Variants in SPTBN4 observed in about 807,000 individuals in gnomAD.
SPTBN4 encodes the protein spectrin beta, non-erythrocytic 4.
SPTBN4 carries 96 observed loss-of-function variants against 277.8 expected under a neutral mutation model. The ratio of observed to expected loss-of-function variants is 0.35; its 90% confidence interval spans 0.29 to 0.41. SPTBN4 has a LOEUF of 0.41. Among genes scored for constraint, SPTBN4 ranks in the 10% least tolerant of loss-of-function variants. The pLI, the probability that SPTBN4 is intolerant of heterozygous loss-of-function variation, is 1.00. For synonymous variants in SPTBN4, 1,481 were observed against 1,580.3 expected (o/e 0.94, Z 1.49); for missense variants, 3,006 against 3,595.7 (o/e 0.84, Z 4.19).
intron 2 of SPTBN4, among the ~76,000 whole-genome samples, chr19:40,484,306 A>G (rs146187706): frequency 1.3e-5 from 2 of 152,328 alleles, no homozygotes; most frequent in East Asian, 3.9e-4. Context: ...ATAAACTGGA[A>G]ATATACATCT....
chr19:40,525,963 C>T (rs1312384777), intron 17 of SPTBN4, among the ~76,000 whole-genome samples: 4 of 152,156 alleles, frequency 2.6e-5, no homozygotes, highest in African/African-American at 7.2e-5. Context: ...ACACATTTCC[C>T]ACCCTGTGGG....
In SPTBN4 at chr19:40,554,220, C is replaced by T. The variant is rs1464093058; in HGVS notation, c.4748C>T (p.Ser1583Leu). 9.3e-6 allele frequency: 14 copies of T among 1,497,822 alleles called. No individual in the cohort carries two copies. Among genetic ancestry groups the T allele is most frequent in the Non-Finnish European group, 1.2e-5 (14 of 1,134,328 alleles). The allele number at this position is 1,497,822 out of a possible 1,614,324, so 92.8% of individuals were successfully genotyped here. A position where few individuals can be genotyped will look rare whatever the true frequency, so the allele number is the denominator to read the frequency against. The change falls in exon 23 of 36, where the codon TCG (serine) becomes TTG (leucine). Residue 1583 changes from serine (S) to leucine (L), a missense_variant. By Grantham distance (145) the Ser-to-Leu change is moderately radical. Around this residue, in one of 5 missense-constraint regions of SPTBN4, gnomAD observed 1,759 missense variants for 2,061.5 expected, o/e 0.85. Coordinates refer to ENST00000598249, the MANE Select transcript of SPTBN4 (RefSeq NM_020971.3). The surrounding 1 kb of genome is among the most constrained non-coding windows in gnomAD (Gnocchi z 5.7). ...CTGGAGCGCGCGGGCGCGCTGGCGT[C>T]GCTGCGCAGCCCGGAGGCAGAGGCA... ...EVLERAGALA[S>L]LRSPEAEAVR...
rs767606700 is a variant in SPTBN4 at position 40,556,155 on chromosome 19, G to A, written c.5156G>A (p.Arg1719His). Residue 1719 changes from arginine to histidine, a missense_variant, in exon 25 of 36, where the codon CGC (arginine) becomes CAC (histidine). Arg to His is a conservative substitution (Grantham distance 29, BLOSUM62 0). This residue lies in a region of SPTBN4 where 425 missense variants were observed against 594.7 expected (regional missense o/e 0.71). Coordinates refer to ENST00000598249, the MANE Select transcript of SPTBN4 (RefSeq NM_020971.3). ...GCGCTCAAGGAGCTGGGTGAGGAGC[G>A]CCGGGTGGCTCTGGAACAGCAGTAC... ...YVALKELGEE[R>H]RVALEQQYWL... 1.1e-5 allele frequency: 17 copies of A among 1,613,132 alleles called. No individual in the cohort carries two copies. The highest frequency in any genetic ancestry group is 1.8e-4 in the Middle Eastern group (1 of 5,424).
At chr19:40,491,841 G>A (rs1437191338) in intron 4 of SPTBN4, among the ~76,000 whole-genome samples, 2 of 149,996 alleles carry the variant, frequency 1.3e-5, no homozygotes, top group African/African-American at 5.0e-5. Context: ...TGACAAACAT[G>A]GAGAAACCCT....
At position 40,566,349 on chromosome 19, in the gene SPTBN4, G is replaced by T. The variant is rs745464977; in HGVS notation, c.6326G>T (p.Arg2109Leu). ...GAAGAGAGGTTCAGCTCTCTGCGGC[G>T]CCTGACCACGGTCAGCTCCCCAGAT... is the stretch of plus-strand genomic sequence containing the variant. ...AWEERFSSLRRLTTIEKIKAE... is the reference protein window; with the variant it reads ...AWEERFSSLRLLTTIEKIKAE... The change falls in exon 30 of 36, where the codon CGC (arginine) becomes CTC (leucine). Residue 2109 changes from arginine (R) to leucine (L), a missense_variant. Transcript: ENST00000598249. The T allele has an allele frequency of 1.9e-6, 3 of 1,556,762 alleles. No individual in the cohort carries two copies. The highest frequency in any genetic ancestry group is 1.2e-5 in the South Asian group (1 of 84,224).
chr19:40,575,124 A>T (rs1037682742), intron 35 of SPTBN4, among the ~76,000 whole-genome samples: 12 of 152,194 alleles, frequency 7.9e-5, no homozygotes, highest in African/African-American at 2.9e-4. Flanking sequence ...CCTAGTAAAT[A>T]TCAGTGCTCT....
chr19:40,496,952 A>G (rs998845146), intron 6 of SPTBN4, among the ~76,000 whole-genome samples: 3 of 151,888 alleles, frequency 2.0e-5, no homozygotes, highest in Admixed American at 6.6e-5. Flanking sequence ...GCACACCTGC[A>G]ATCCCAGCTA....
Position 40,489,228 on chromosome 19 carries a change from A to AAAAGAAAGAAAG in SPTBN4, c.322-836_322-835insGAAAGAAAGAAA, listed in dbSNP as rs1555810978. Among the ~76,000 whole-genome samples the AAAAGAAAGAAAG allele has an allele frequency of 6.0e-4, 85 of 141,678 alleles. No homozygotes were observed. In the East Asian group the frequency reaches 0.016, roughly 27 times the overall value. 92.9% of individuals were successfully genotyped at this position (141,678 alleles called of 152,430 possible). On this transcript the variant is annotated intron_variant, in intron 3 of 35. Transcript: ENST00000598249. ...CAACAACAAAAGCCAAAAAAAAAAA[A>AAAAGAAAGAAAG]AAAGAAAGAAAAAAAAGAATAGATA...
At chr19:40,544,361 G>A (rs969405576) in intron 20 of SPTBN4, among the ~76,000 whole-genome samples, 1 of 144,330 alleles carries the variant, frequency 6.9e-6, no homozygotes, top group Non-Finnish European at 1.5e-5. Context: ...CCAGCATGGT[G>A]TCTATCTCTT....
At chr19:40,547,083 G>T (rs1235033318) in intron 20 of SPTBN4, among the ~76,000 whole-genome samples, 1 of 151,990 alleles carries the variant, frequency 6.6e-6, no homozygotes, top group East Asian at 1.9e-4. Context: ...ACAATGTGCA[G>T]GTTTGTTACA....
At position 40,472,946 on chromosome 19, in the gene SPTBN4, T is replaced by A. The variant is rs568719079; in HGVS notation, c.169+156T>A. Among the ~76,000 whole-genome samples the A allele has an allele frequency of 4.0e-4, 61 of 152,344 alleles. No homozygotes were observed. In the South Asian group the frequency reaches 0.011, roughly 27 times the overall value. On this transcript the variant is annotated intron_variant, in intron 2 of 35. Transcript: ENST00000598249. ...TAGTCTATATCCATAATGTACCATA[T>A]AATAATCACTAGTCTCTGTGACTTT...
rs980939578 is a variant in SPTBN4 at position 40,570,615 on chromosome 19, G to C, written c.7206G>C (p.Pro2402=). ...GGGSRRSRSA[P]AQGGSAPAPP... ...GAAGCCGGCGCTCGCGCTCCGCCCC[G>C]GCCCAGGGCGGCTCCGCCCCCGCGC... The change falls in exon 33 of 36, where the codon CCG becomes CCC. Residue 2402 remains proline (P), a synonymous_variant. Coordinates refer to ENST00000598249, the MANE Select transcript of SPTBN4 (RefSeq NM_020971.3). 2 of 1,423,568 alleles carry C rather than the reference G, an allele frequency of 1.4e-6. No individual in the cohort carries two copies. Among genetic ancestry groups the C allele is most frequent in the Non-Finnish European group, 1.8e-6 (2 of 1,088,004 alleles). 88.2% of individuals were successfully genotyped at this position (1,423,568 alleles called of 1,614,324 possible). A position where few individuals can be genotyped will look rare whatever the true frequency, so the allele number is the denominator to read the frequency against.
rs2079898188 is a variant in SPTBN4, at chr19:40,472,651, C to A, written c.30C>A (p.Asn10Lys). 6.2e-7 allele frequency: 1 copy of A among 1,613,654 alleles called. No homozygotes were observed. The highest frequency in any genetic ancestry group is 1.3e-5 in the African/African-American group (1 of 74,944). Residue 10 changes from asparagine (N) to lysine (K), a missense_variant, in exon 2 of 36, where the codon AAC becomes AAA. Coordinates refer to ENST00000598249, the MANE Select transcript of SPTBN4 (RefSeq NM_020971.3). MAQVPGEVD[N>K]MEGLPAPNNN... ...CGCAGGTACCAGGGGAAGTGGACAA[C>A]ATGGAGGGCCTGCCTGCTCCTAACA... is the stretch of plus-strand genomic sequence containing the variant.
In SPTBN4 at chr19:40,523,431, C is replaced by G; in HGVS notation, c.3655-6C>G. 2 of 1,593,928 alleles carry G rather than the reference C, an allele frequency of 1.3e-6. No homozygotes were observed. The highest frequency in any genetic ancestry group is 1.1e-5 in the South Asian group (1 of 88,670). ...TGACCTTTGCACCACGCTCCCTCCT[C>G]CCCAGGAGATGGCGCTGTCTGGTGC... is the stretch of plus-strand genomic sequence containing the variant. On this transcript the variant is annotated splice_polypyrimidine_tract_variant and splice_region_variant and intron_variant, in intron 16 of 35. Transcript: ENST00000598249.
chr19:40,532,479 A>G, intron 18 of SPTBN4, 146 bp from the exon 19 acceptor site: 1 of 1,026,494 alleles, frequency 9.7e-7, no homozygotes, highest in Non-Finnish European at 1.3e-6. Flanking sequence ...TAAAGGCCTC[A>G]CTTGCAAAGG....
At chr19:40,477,848 T>C (rs1314739721) in intron 2 of SPTBN4, among the ~76,000 whole-genome samples, 1 of 151,830 alleles carries the variant, frequency 6.6e-6, no homozygotes, top group African/African-American at 2.4e-5. Context: ...GCCAGATCCT[T>C]TTTTTTTGAG....
At chr19:40,543,437 C>T (rs1012120241) in intron 20 of SPTBN4, among the ~76,000 whole-genome samples, 1 of 151,922 alleles carries the variant, frequency 6.6e-6, no homozygotes, top group African/African-American at 2.4e-5. Flanking sequence ...GTTTCATTTG[C>T]CCTTCAGGAA....
In SPTBN4 at chr19:40,566,094, G is replaced by A. The variant is rs1306485066; in HGVS notation, c.6140-69G>A. The A allele has an allele frequency of 7.7e-6, 11 of 1,426,478 alleles. No individual in the cohort carries two copies. In the Middle Eastern group the frequency reaches 2.1e-3, roughly 269 times the overall value. 88.4% of individuals were successfully genotyped at this position (1,426,478 alleles called of 1,614,324 possible). On this transcript the variant is annotated intron_variant, in intron 29 of 35. Coordinates refer to ENST00000598249, the MANE Select transcript of SPTBN4 (RefSeq NM_020971.3). ...AGCCGGAGGGGTGTGGAAGGCCAGG[G>A]GAACAGCCATTGCCCCCAGGAAGGG... is the stretch of plus-strand genomic sequence containing the variant.
intron 2 of SPTBN4, 133 bp downstream of exon 2, chr19:40,472,923 G>A: frequency 2.2e-6 from 2 of 921,820 alleles, no homozygotes; most frequent in Non-Finnish European, 3.2e-6. Flanking sequence ...GGTGGAAATA[G>A]TCTATATCCA....
Sources: allele counts gnomAD v4.1 joint callset (sites outside exome capture counted in the v4.1 genomes callset), GRCh38; gene constraint gnomAD v4.1.1; regional missense constraint gnomAD v4.1.1; non-coding constraint Gnocchi (gnomAD v3.1); transcripts MANE v1.5; gene names NCBI Gene and HGNC (gene_info 2026-07-23, HGNC 2026-07-21).